The following NFIL3 variants were observed in gnomAD, a reference collection of about 807,000 sequenced individuals.
NFIL3 encodes nuclear factor interleukin-3-regulated protein.
NFIL3 carries 5 observed loss-of-function variants against 10.0 expected under a neutral mutation model. The observed-to-expected ratio is 0.50, with a 90% CI of 0.26 to 1.06. The LOEUF (loss-of-function observed/expected upper bound fraction) is 1.06. Among genes scored for constraint, NFIL3 ranks in the 50% least tolerant of loss-of-function variants. The pLI is 0.13. For missense variants in NFIL3, 436 were observed against 547.6 expected, an observed-to-expected ratio of 0.80 and a Z score of 2.03; for synonymous variants, 202 against 206.5, an observed-to-expected ratio of 0.98 and a Z score of 0.19.
At chr9:91,433,569 T>C in the NFIL3 span, among the ~76,000 whole-genome samples, 97 of 152,352 alleles carry the variant, frequency 6.4e-4, no homozygotes, top group African/African-American at 2.2e-3. Context: ...TTTCCTTTTC[T>C]CCTGCCTTAA....
the NFIL3 span, among the ~76,000 whole-genome samples, chr9:91,474,594 G>T: frequency 6.6e-6 from 1 of 152,154 alleles, no homozygotes; most frequent in African/African-American, 2.4e-5. Context: ...TCTTGTGAGG[G>T]CAGGAGTGAT....
chr9:91,461,132 G>A, the NFIL3 span, among the ~76,000 whole-genome samples: 2 of 152,132 alleles, frequency 1.3e-5, no homozygotes, highest in African/African-American at 2.4e-5. Flanking sequence ...AGTCAGGGAC[G>A]ATTATGGTGA....
At chr9:91,455,780 C>T in the NFIL3 span, among the ~76,000 whole-genome samples, 55 of 152,270 alleles carry the variant, frequency 3.6e-4, no homozygotes, top group Admixed American at 3.4e-3. Flanking sequence ...TGCCTAATAT[C>T]CCATTATTGG....
the NFIL3 span, among the ~76,000 whole-genome samples, chr9:91,463,934 C>T: frequency 6.4e-3 from 971 of 152,154 alleles, 11 homozygotes; most frequent in African/African-American, 0.021. Context: ...CCTGATAATT[C>T]TGTCTGCTTT....
the NFIL3 span, among the ~76,000 whole-genome samples, chr9:91,432,406 T>C: frequency 6.6e-6 from 1 of 152,206 alleles, no homozygotes; most frequent in Admixed American, 6.5e-5. Context: ...AAGAAAGGCT[T>C]AGCACAGGAG....
Position 91,409,527 on chromosome 9 carries a change from A to C in NFIL3, c.1208T>G (p.Leu403Arg), listed in dbSNP as rs1833497790. Residue 403 changes from leucine (L) to arginine (R), a missense_variant, in exon 2 of 2, where the codon CTG (leucine) becomes CGG (arginine). Physicochemically the swap from Leu to Arg is moderately radical, Grantham distance 102. This residue lies in a region of NFIL3 where 338 missense variants were observed against 399.9 expected (regional missense o/e 0.85). Transcript: ENST00000297689. ...GAAACTATTCTGAGTTTTGCCACTCAGTTCTTTTTGATGCCAGTGCTCCGA... is the reference window on the plus strand; with the variant it reads ...GAAACTATTCTGAGTTTTGCCACTCCGTTCTTTTTGATGCCAGTGCTCCGA... ...LKSEHWHQKE[L>R]SGKTQNSFKT... is the part of the protein sequence containing the mutation. 1 of 1,613,924 alleles carries C rather than the reference A, an allele frequency of 6.2e-7. No individual in the cohort carries two copies. Among genetic ancestry groups the C allele is most frequent in the Middle Eastern group, 1.7e-4 (1 of 6,056 alleles).
chr9:91,471,587 T>C, the NFIL3 span, among the ~76,000 whole-genome samples: 1 of 151,944 alleles, frequency 6.6e-6, no homozygotes, highest in Non-Finnish European at 1.5e-5. Context: ...TATGTATACA[T>C]GTGCCATGTT....
At chr9:91,424,194 C>G (rs1833835058), upstream of NFIL3, among the ~76,000 whole-genome samples, 1 of 152,060 alleles carries the variant, frequency 6.6e-6, no homozygotes, top group Non-Finnish European at 1.5e-5. Context: ...CCCACCGCCC[C>G]GTCCGCTCTT....
chr9:91,409,133 C>G lies in NFIL3; in HGVS notation c.*213G>C. Reference sequence around the variant, plus strand: ...AAAAATAATGTTCAATATATACAGCCTTCGCATGGACTATCTGACTATACA... The same window carrying G: ...AAAAATAATGTTCAATATATACAGCGTTCGCATGGACTATCTGACTATACA... On this transcript the variant is annotated 3_prime_UTR_variant, in exon 2 of 2. Transcript: ENST00000297689. 1 of 504,576 alleles carries G rather than the reference C, an allele frequency of 2.0e-6. No homozygotes were observed. The allele number at this position is 504,576 out of a possible 1,614,324, so 31.3% of individuals were successfully genotyped here.
chr9:91,441,604 A>G, the NFIL3 span, among the ~76,000 whole-genome samples: 1 of 151,720 alleles, frequency 6.6e-6, no homozygotes, highest in African/African-American at 2.4e-5. Flanking sequence ...TATCTTTGTG[A>G]TTTGAGGATT....
chr9:91,456,572 A>T, the NFIL3 span, among the ~76,000 whole-genome samples: 1 of 152,036 alleles, frequency 6.6e-6, no homozygotes, highest in African/African-American at 2.4e-5. Context: ...TCTCAATATT[A>T]CATTTTTAGA....
the NFIL3 span, among the ~76,000 whole-genome samples, chr9:91,469,076 A>G: frequency 2.0e-4 from 31 of 152,286 alleles, no homozygotes; most frequent in African/African-American, 7.2e-4. Flanking sequence ...GAAGAAAGTC[A>G]TTGGTAGCTT....
At chr9:91,453,812 T>C in the NFIL3 span, among the ~76,000 whole-genome samples, 1 of 152,132 alleles carries the variant, frequency 6.6e-6, no homozygotes, top group African/African-American at 2.4e-5. Flanking sequence ...TCTTACTGAC[T>C]TGAGATTTAT....
chr9:91,440,366 A>AT, the NFIL3 span, among the ~76,000 whole-genome samples: 3 of 151,884 alleles, frequency 2.0e-5, no homozygotes, highest in South Asian at 6.2e-4. Flanking sequence ...CTTCAATATC[A>AT]TTTTTTATTT....
the NFIL3 span, among the ~76,000 whole-genome samples, chr9:91,439,002 A>T: frequency 6.6e-6 from 1 of 152,134 alleles, no homozygotes; most frequent in Admixed American, 6.5e-5. Context: ...ATTATTCAGG[A>T]TGCTTTGTCG....
the NFIL3 span, among the ~76,000 whole-genome samples, chr9:91,445,133 G>T: frequency 1.3e-5 from 2 of 152,160 alleles, no homozygotes; most frequent in African/African-American, 2.4e-5. Context: ...TGGTCCTGGT[G>T]GTCAGGGCAT....
chr9:91,464,317 A>T, the NFIL3 span, among the ~76,000 whole-genome samples: 1 of 151,828 alleles, frequency 6.6e-6, no homozygotes, highest in Middle Eastern at 3.4e-3. Context: ...TCTGAAAAAA[A>T]TTTTTTTAGT....
At chr9:91,435,384 C>A in the NFIL3 span, among the ~76,000 whole-genome samples, 1 of 152,158 alleles carries the variant, frequency 6.6e-6, no homozygotes, top group African/African-American at 2.4e-5. Context: ...TCTCTTTCAC[C>A]ATCAAATTTT....
At chr9:91,430,005 T>C in the NFIL3 span, among the ~76,000 whole-genome samples, 1 of 152,152 alleles carries the variant, frequency 6.6e-6, no homozygotes. Context: ...CAACTTGTTC[T>C]GAGGATAAAA....
Sources: gnomAD v4.1 joint callset for allele counts (sites outside exome capture counted in the v4.1 genomes callset) on GRCh38, gnomAD v4.1.1 for gene constraint, gnomAD v4.1.1 regional missense constraint, MANE v1.5 for transcripts, NCBI Gene and HGNC (gene_info 2026-07-23, HGNC 2026-07-21) for gene names.